ACP3: variants seen among roughly 807,000 people sequenced by gnomAD.
ACP3 encodes the protein acid phosphatase 3, also known as prostatic acid phosphatase.
In ACP3, 38 loss-of-function variants were observed where a neutral mutation model predicts 45.6. The observed-to-expected ratio is 0.83, with a 90% confidence interval of 0.64 to 1.09. The LOEUF is 1.09. Ranked by LOEUF, ACP3 falls within the 50% of genes least tolerant of loss-of-function variation. The pLI is 0.00. For synonymous variants in ACP3, 162 were observed against 164.7 expected, an observed-to-expected ratio of 0.98 and a Z score of 0.13; for missense variants, 466 against 463.2, an observed-to-expected ratio of 1.01 and a Z score of -0.05.
intron 9 of ACP3, among the ~76,000 whole-genome samples, chr3:132,356,027 T>C (rs779068527): frequency 1.9e-4 from 29 of 152,206 alleles, no homozygotes; most frequent in Non-Finnish European, 3.2e-4. Flanking sequence ...CTCAGGTTAG[T>C]TTACACCATT....
chr3:132,341,321 AT>A (rs958825460), intron 5 of ACP3, among the ~76,000 whole-genome samples: 2 of 152,218 alleles, frequency 1.3e-5, no homozygotes, highest in Admixed American at 1.3e-4. Context: ...TCTTGAGTGT[AT>A]TTTTTTAAAT....
At chr3:132,338,169 C>T (rs75594491) in intron 5 of ACP3, among the ~76,000 whole-genome samples, 4,419 of 151,814 alleles carry the variant, frequency 0.029, 359 homozygotes, top group East Asian at 0.28. Context: ...TTTATGCAGT[C>T]TTCCAATTTC....
chr3:132,326,304 C>T (rs905005565), intron 1 of ACP3, among the ~76,000 whole-genome samples: 2 of 152,084 alleles, frequency 1.3e-5, no homozygotes, highest in Non-Finnish European at 2.9e-5. Flanking sequence ...TTTATTGAAA[C>T]CATGTAACAA....
intron 1 of ACP3, among the ~76,000 whole-genome samples, chr3:132,324,667 G>A (rs753144962): frequency 1.3e-5 from 2 of 151,926 alleles, no homozygotes; most frequent in Non-Finnish European, 2.9e-5. Context: ...ATTTTGAGAC[G>A]GAGTCTCACT....
intron 6 of ACP3, 42 bp downstream of exon 6, chr3:132,342,686 T>G: frequency 8.5e-7 from 1 of 1,179,822 alleles, no homozygotes; most frequent in South Asian, 1.3e-5. Flanking sequence ...CAATCTGATT[T>G]TATGATTTAT....
In ACP3 at chr3:132,349,169, G is replaced by A. The variant is rs190358707; in HGVS notation, c.782-751G>A. Among the ~76,000 whole-genome samples, 34 of 152,274 alleles carry A rather than the reference G, an allele frequency of 2.2e-4. 1 individual carries two copies. In the Middle Eastern group the frequency reaches 0.024, roughly 107 times the overall value. Reference sequence around the variant, plus strand: ...ACCACAAGGTACCCCACAGCCCTCAGTGCCTAGAAATAGGATAAATACTGT... The same window carrying A: ...ACCACAAGGTACCCCACAGCCCTCAATGCCTAGAAATAGGATAAATACTGT... On this transcript the variant is annotated intron_variant, in intron 7 of 9. Coordinates refer to ENST00000336375, the MANE Select transcript of ACP3 (RefSeq NM_001099.5).
At position 132,356,728 on chromosome 3, in the gene ACP3, C is replaced by T. The variant is rs761788078; in HGVS notation, c.1011C>T (p.His337=). 2.0e-5 allele frequency: 32 copies of T among 1,613,548 alleles called. No individual in the cohort carries two copies. The East Asian group carries it at 3.8e-4, about 19-fold the overall frequency. ...VEMYYRNETQ[H]EPYPLMLPGC... is the part of the protein sequence containing the mutation. ...TGTACTATCGGAATGAGACGCAGCACGAGCCGTATCCCCTCATGCTACCTG... is the reference window on the plus strand; with the variant it reads ...TGTACTATCGGAATGAGACGCAGCATGAGCCGTATCCCCTCATGCTACCTG... Residue 337 remains histidine (H), a synonymous_variant, in exon 10 of 10, where the codon CAC becomes CAT. Transcript: ENST00000336375.
At chr3:132,363,038 T>C (rs1245437257), downstream of ACP3, among the ~76,000 whole-genome samples, 1 of 152,184 alleles carries the variant, frequency 6.6e-6, no homozygotes, top group African/African-American at 2.4e-5. Context: ...GACAATGCTC[T>C]GGCAAACTCC....
chr3:132,318,637 A>C (rs1937151111), intron 1 of ACP3, among the ~76,000 whole-genome samples: 1 of 152,140 alleles, frequency 6.6e-6, no homozygotes, highest in African/African-American at 2.4e-5. Flanking sequence ...ATGACAGAAA[A>C]CCCAGTGAAA....
chr3:132,352,864 CTTGGGTTTCA>C (rs1937789163), intron 9 of ACP3, 41 bp downstream of exon 9: 1 of 1,394,806 alleles, frequency 7.2e-7, no homozygotes. Context: ...ATCACTGGAC[CTTGGGTTTCA>C]TTATTATTAT....
chr3:132,330,521 A>C (rs1052830983), intron 2 of ACP3, among the ~76,000 whole-genome samples: 1 of 152,178 alleles, frequency 6.6e-6, no homozygotes, highest in Non-Finnish European at 1.5e-5. Flanking sequence ...TAAAGTGTGA[A>C]AATCACTGCT....
At position 132,357,800 on chromosome 3, in the gene ACP3, G is replaced by A. The variant is rs11710175; in HGVS notation, c.*922G>A. ...TATAATCCCAGCATTTTGGGAGTCCGAGGTGGGCAGATCACTTGAGCTCAG... is the reference window on the plus strand; with the variant it reads ...TATAATCCCAGCATTTTGGGAGTCCAAGGTGGGCAGATCACTTGAGCTCAG... On this transcript the variant is annotated 3_prime_UTR_variant, in exon 10 of 10. Transcript: ENST00000336375. 0.17 allele frequency: 160,386 copies of A among 934,092 alleles called. 14,225 individuals carry two copies. The highest frequency in any genetic ancestry group is 0.18 in the Non-Finnish European group (144,719 of 783,384). 57.9% of individuals were successfully genotyped at this position (934,092 alleles called of 1,614,324 possible).
rs1184866517 is a variant in ACP3, at chr3:132,327,680, G to A, written c.121-587G>A. On this transcript the variant is annotated intron_variant, in intron 1 of 9. Coordinates refer to ENST00000336375, the MANE Select transcript of ACP3 (RefSeq NM_001099.5). Reference sequence around the variant, plus strand: ...CTAAAAATAAAAAAATTAGCTGGGCGTGGTGGCAAGCGCCTGTAGTCCCAG... The same window carrying A: ...CTAAAAATAAAAAAATTAGCTGGGCATGGTGGCAAGCGCCTGTAGTCCCAG... 5.3e-5 allele frequency among the ~76,000 whole-genome samples: 8 copies of A among 152,106 alleles called. No individual in the cohort carries two copies. The East Asian group carries it at 9.6e-4, about 18-fold the overall frequency.
chr3:132,346,483 A>T (rs1937609852), intron 7 of ACP3, among the ~76,000 whole-genome samples: 1 of 152,224 alleles, frequency 6.6e-6, no homozygotes, highest in Non-Finnish European at 1.5e-5. Flanking sequence ...CACATTAAAC[A>T]CATGAGCAAC....
chr3:132,343,928 G>T (rs918621889), intron 6 of ACP3, among the ~76,000 whole-genome samples: 1 of 152,242 alleles, frequency 6.6e-6, no homozygotes, highest in Non-Finnish European at 1.5e-5. Context: ...GAGGCTAGAA[G>T]TTCAGGATGA....
intron 1 of ACP3, among the ~76,000 whole-genome samples, chr3:132,327,101 A>G (rs1352142086): frequency 6.6e-6 from 1 of 152,276 alleles, no homozygotes; most frequent in Non-Finnish European, 1.5e-5. Flanking sequence ...AGTATTGAGA[A>G]TTAGCTTTCC....
At chr3:132,359,240 A>T (rs140318529), downstream of ACP3, among the ~76,000 whole-genome samples, 43 of 152,172 alleles carry the variant, frequency 2.8e-4, no homozygotes, top group African/African-American at 9.7e-4. Flanking sequence ...AGGCCAGGCG[A>T]GGTGGCTCAG....
intron 1 of ACP3, among the ~76,000 whole-genome samples, chr3:132,324,295 A>G (rs1038538659): frequency 1.3e-5 from 2 of 151,866 alleles, no homozygotes; most frequent in African/African-American, 4.8e-5. Context: ...TGTACTCACC[A>G]GGTTCTCCAC....
chr3:132,365,683 T>G (rs1227806285), intron 10 of ACP3, among the ~76,000 whole-genome samples: 1 of 152,128 alleles, frequency 6.6e-6, no homozygotes, highest in African/African-American at 2.4e-5. Flanking sequence ...GACTGCTGTG[T>G]TAAAAATGGA....
Sources: allele counts gnomAD v4.1 joint callset (sites outside exome capture counted in the v4.1 genomes callset), GRCh38; gene constraint gnomAD v4.1.1; transcripts MANE v1.5; gene names NCBI Gene and HGNC (gene_info 2026-07-23, HGNC 2026-07-21).